The following STPG2 variants were observed in gnomAD, a reference collection of about 807,000 sequenced individuals.
STPG2 encodes sperm tail PG-rich repeat containing 2.
Under a neutral mutation model 54.2 loss-of-function variants are expected in STPG2, and 56 were observed. That is an observed-to-expected ratio of 1.03 (90% confidence interval 0.83 to 1.29). STPG2 has a LOEUF of 1.29. Among genes scored for constraint, STPG2 ranks in the 50% most tolerant of loss-of-function variants. The pLI is 0.00. For missense variants in STPG2, 596 were observed against 544.9 expected (o/e 1.09, Z -0.93); for synonymous variants, 200 against 181.8 (o/e 1.10, Z -0.81).
At chr4:97,613,200 A>G (rs184652877) in intron 10 of STPG2, among the ~76,000 whole-genome samples, 35 of 152,152 alleles carry the variant, frequency 2.3e-4, no homozygotes, top group Admixed American at 5.2e-4. Flanking sequence ...ATAACAGTGC[A>G]GTTAGTCAAG....
intron 5 of STPG2, among the ~76,000 whole-genome samples, chr4:98,083,161 C>G (rs181666504): frequency 6.6e-6 from 1 of 152,236 alleles, no homozygotes; most frequent in Admixed American, 6.5e-5. Context: ...CTTCCACTAG[C>G]CTTCTCTCAA....
chr4:97,877,942 T>G (rs915645190), intron 8 of STPG2, among the ~76,000 whole-genome samples: 1 of 152,064 alleles, frequency 6.6e-6, no homozygotes, highest in Non-Finnish European at 1.5e-5. Context: ...CTAGATAAAA[T>G]AGAGGTACAG....
At chr4:97,898,875 T>C (rs546485607) in intron 8 of STPG2, among the ~76,000 whole-genome samples, 1 of 151,832 alleles carries the variant, frequency 6.6e-6, no homozygotes, top group Admixed American at 6.6e-5. Flanking sequence ...TTATTATTTG[T>C]ATAATGAAAA....
At chr4:97,829,434 C>T (rs1187904439) in intron 9 of STPG2, among the ~76,000 whole-genome samples, 1 of 151,882 alleles carries the variant, frequency 6.6e-6, no homozygotes. Context: ...CGTAAAAAGG[C>T]TGAAAATTCC....
At chr4:98,128,129 G>A (rs1460383963) in intron 3 of STPG2, among the ~76,000 whole-genome samples, 3 of 152,066 alleles carry the variant, frequency 2.0e-5, no homozygotes, top group African/African-American at 7.3e-5. Flanking sequence ...CTGCCAGCTT[G>A]ATACACTTGA....
At chr4:97,715,293 T>C (rs191997328) in intron 9 of STPG2, among the ~76,000 whole-genome samples, 1 of 152,182 alleles carries the variant, frequency 6.6e-6, no homozygotes, top group Non-Finnish European at 1.5e-5. Flanking sequence ...CACATTTTAA[T>C]CACAGGTAAT....
At chr4:97,864,932 A>G (rs1370296556) in intron 8 of STPG2, among the ~76,000 whole-genome samples, 3 of 152,206 alleles carry the variant, frequency 2.0e-5, no homozygotes, top group African/African-American at 7.2e-5. Flanking sequence ...ACCTTATACA[A>G]AAATTCATTC....
intron 7 of STPG2, among the ~76,000 whole-genome samples, chr4:97,958,001 A>C (rs1733743058): frequency 6.6e-6 from 1 of 151,976 alleles, no homozygotes; most frequent in Non-Finnish European, 1.5e-5. Flanking sequence ...TACAAAACAA[A>C]AATACAACTA....
intron 1 of STPG2, among the ~76,000 whole-genome samples, chr4:98,140,909 C>T (rs931527381): frequency 1.3e-5 from 2 of 152,158 alleles, no homozygotes; most frequent in South Asian, 2.1e-4. Context: ...CATAAATCAC[C>T]TGTATCTCTT....
chr4:97,566,181 G>A (rs1361302709), intron 10 of STPG2, among the ~76,000 whole-genome samples: 2 of 152,186 alleles, frequency 1.3e-5, no homozygotes, highest in African/African-American at 4.8e-5. Flanking sequence ...CTTGCAGTTT[G>A]ATCTCAGACT....
At chr4:98,054,209 C>T (rs974568287) in intron 5 of STPG2, among the ~76,000 whole-genome samples, 1 of 152,024 alleles carries the variant, frequency 6.6e-6, no homozygotes, top group Non-Finnish European at 1.5e-5. Context: ...AACTTTCATG[C>T]AAAACAGCTG....
chr4:98,109,149 T>C, intron 4 of STPG2, 44 bp downstream of exon 4: 1 of 1,189,888 alleles, frequency 8.4e-7, no homozygotes, highest in Non-Finnish European at 1.2e-6. Flanking sequence ...AATACTTTTC[T>C]AGTCAAGAGC....
At chr4:98,102,464 G>C (rs549742568) in intron 5 of STPG2, among the ~76,000 whole-genome samples, 2 of 152,150 alleles carry the variant, frequency 1.3e-5, no homozygotes, top group South Asian at 4.1e-4. Context: ...TACAGAAAAA[G>C]CTTTCTAATC....
chr4:98,092,250 A>G (rs1195504013), intron 5 of STPG2, among the ~76,000 whole-genome samples: 1 of 152,094 alleles, frequency 6.6e-6, no homozygotes, highest in Non-Finnish European at 1.5e-5. Context: ...TTTAAAATCC[A>G]TAATTTAAAA....
At chr4:97,906,872 T>C (rs1329426264) in intron 8 of STPG2, among the ~76,000 whole-genome samples, 5 of 152,108 alleles carry the variant, frequency 3.3e-5, no homozygotes, top group Admixed American at 6.6e-5. Flanking sequence ...TATCTCAAAA[T>C]AATAAGAGCT....
chr4:98,025,999 G>A (rs529428405), intron 5 of STPG2: 2 of 1,066,324 alleles, frequency 1.9e-6, no homozygotes, highest in East Asian at 4.7e-5. Flanking sequence ...GAATGTTGCA[G>A]AATGTTGCAG....
intron 10 of STPG2, among the ~76,000 whole-genome samples, chr4:97,596,023 C>G (rs1036110950): frequency 8.5e-5 from 13 of 152,088 alleles, no homozygotes; most frequent in Admixed American, 4.6e-4. Context: ...TCAAGAGATC[C>G]ACCTCACATG....
chr4:97,869,542 A>C (rs188729708), intron 8 of STPG2, among the ~76,000 whole-genome samples: 2 of 151,802 alleles, frequency 1.3e-5, no homozygotes, highest in African/African-American at 4.8e-5. Context: ...CAGTTATAGG[A>C]GATAAATGGA....
chr4:98,085,931 A>G (rs1738489879), intron 5 of STPG2, among the ~76,000 whole-genome samples: 1 of 152,086 alleles, frequency 6.6e-6, no homozygotes, highest in Non-Finnish European at 1.5e-5. Context: ...TCCTTTTATA[A>G]ATATTTTGTT....
Sources: gnomAD v4.1 joint callset for allele counts (sites outside exome capture counted in the v4.1 genomes callset) on GRCh38, gnomAD v4.1.1 for gene constraint, MANE v1.5 for transcripts, NCBI Gene and HGNC (gene_info 2026-07-23, HGNC 2026-07-21) for gene names.